NKAPD1: variants seen among roughly 807,000 people sequenced by gnomAD.
NKAPD1 encodes uncharacterized protein NKAPD1.
A neutral mutation model predicts 30.9 loss-of-function variants in NKAPD1; 12 were observed. That is an observed-to-expected ratio of 0.39 (90% CI 0.25 to 0.63). The LOEUF (loss-of-function observed/expected upper bound fraction) is 0.63, where lower values mean the gene tolerates loss of function less well. Ranked by LOEUF, NKAPD1 falls within the 20% of genes least tolerant of loss-of-function variation. The probability of loss-of-function intolerance (pLI) is 0.51; values close to 1 mark genes in which losing one functional copy is unlikely to be tolerated. For missense variants in NKAPD1, 311 were observed against 344.5 expected (o/e 0.90, Z 0.77); for synonymous variants, 91 against 113.6 (o/e 0.80, Z 1.26).
chr11:112,078,203 TA>T lies in NKAPD1; in HGVS notation c.70-7del. 1 of 1,564,854 alleles carries T rather than the reference TA, an allele frequency of 6.4e-7. No homozygotes were observed. The highest frequency in any genetic ancestry group is 8.7e-7 in the Non-Finnish European group (1 of 1,153,872). The stretch of plus-strand genomic sequence containing the variant: ...TAGTAACTTATTTTTATTTCCTTTT[TA>T]AAAATTCTAGATTCAGGAGGAATCA... On this transcript the variant is annotated splice_polypyrimidine_tract_variant and intron_variant, in intron 2 of 5. Coordinates refer to ENST00000393047, the MANE Select transcript of NKAPD1 (RefSeq NM_018195.4).
At chr11:112,077,949 G>T (rs1281801453) in intron 2 of NKAPD1, among the ~76,000 whole-genome samples, 1 of 151,618 alleles carries the variant, frequency 6.6e-6, no homozygotes, top group African/African-American at 2.4e-5. Flanking sequence ...GGGTTCAAGC[G>T]ATTCTCCTGC....
chr11:112,082,624 A>T lies in NKAPD1; in HGVS notation c.534A>T (p.Thr178=). The T allele has an allele frequency of 6.2e-7, 1 of 1,613,542 alleles. No individual in the cohort carries two copies. The highest frequency in any genetic ancestry group is 2.2e-5 in the East Asian group (1 of 44,884). The part of the protein sequence containing the change: ...KKQKKSKKEA[T]DITADSSSEF... The stretch of plus-strand genomic sequence containing the variant: ...AGAAGAAAAGCAAAAAGGAAGCCAC[A>T]GATATAACAGCAGATTCCTCGAGTG... The change falls in exon 6 of 6, where the codon ACA becomes ACT. Residue 178 remains threonine (T), a synonymous_variant. Coordinates refer to ENST00000393047, the MANE Select transcript of NKAPD1 (RefSeq NM_018195.4).
In NKAPD1 at chr11:112,074,518, G is replaced by C. The variant is rs1865265665; in HGVS notation, c.-407G>C. ...CTCAACCCCCGCTTCAGGCTCCCTA[G>C]ATACTTTCTGGGGCCCAACCGAAGG... On this transcript the variant is annotated 5_prime_UTR_variant, in exon 1 of 6. The change abolishes the stop of an existing upstream ORF in the 5' untranslated region. Transcript: ENST00000393047. 5.0e-6 allele frequency: 2 copies of C among 398,980 alleles called. No individual in the cohort carries two copies. Among genetic ancestry groups the C allele is most frequent in the South Asian group, 2.5e-4 (2 of 7,862 alleles). 24.7% of individuals were successfully genotyped at this position (398,980 alleles called of 1,614,324 possible).
intron 1 of NKAPD1, 89 bp downstream of exon 1, chr11:112,075,005 C>T (rs576569027): frequency 6.5e-6 from 1 of 154,790 alleles, no homozygotes; most frequent in East Asian, 1.9e-4. Context: ...GCTTCCGTAG[C>T]AAGTAGGAAA....
intron 5 of NKAPD1, 197 bp downstream of exon 5, chr11:112,082,232 T>C: frequency 1.4e-6 from 1 of 699,688 alleles, no homozygotes; most frequent in Non-Finnish European, 2.3e-6. Context: ...ATTTTGGTTT[T>C]TATATATAGT....
chr11:112,080,291 C>CTTTT, intron 3 of NKAPD1, 118 bp from the exon 4 acceptor site: 1 of 458,970 alleles, frequency 2.2e-6, no homozygotes, highest in African/African-American at 2.3e-5. Context: ...TTTTTTTAAA[C>CTTTT]AGTATCATGT....
chr11:112,077,192 G>A lies in NKAPD1; in HGVS notation c.70-1023G>A, dbSNP rs555255273. On this transcript the variant is annotated intron_variant, in intron 2 of 5. Transcript: ENST00000393047. ...TAAAATTATGGGCGAGGGTAAAACT[G>A]TTACCCGAGCTGCCTATGCAATTAT... Among the ~76,000 whole-genome samples the A allele has an allele frequency of 2.6e-5, 4 of 152,298 alleles. 1 individual carries two copies. The South Asian group carries it at 8.3e-4, about 32-fold the overall frequency.
chr11:112,076,790 A>C (rs918274136), intron 2 of NKAPD1, among the ~76,000 whole-genome samples: 7 of 152,218 alleles, frequency 4.6e-5, no homozygotes, highest in African/African-American at 1.4e-4. Flanking sequence ...CTGTTGTTCA[A>C]GGTCAACTGT....
chr11:112,082,201 A>G (rs1865468032), intron 5 of NKAPD1, 166 bp downstream of exon 5: 1 of 710,140 alleles, frequency 1.4e-6, no homozygotes, highest in Non-Finnish European at 2.3e-6. Flanking sequence ...TCTCTGGTTG[A>G]TGTTTGGCAT....
intron 2 of NKAPD1, among the ~76,000 whole-genome samples, chr11:112,077,135 A>T (rs913858943): frequency 3.9e-5 from 6 of 152,238 alleles, no homozygotes; most frequent in South Asian, 2.1e-4. Context: ...TTTTGGTTTG[A>T]TCATATTATT....
Position 112,084,489 on chromosome 11 carries a change from G to A in NKAPD1, c.*1517G>A, listed in dbSNP as rs1005272147. The A allele has an allele frequency of 8.5e-5, 13 of 152,554 alleles. No homozygotes were observed. Among genetic ancestry groups the A allele is most frequent in the African/African-American group, 3.1e-4 (13 of 41,442 alleles). 9.5% of individuals were successfully genotyped at this position (152,554 alleles called of 1,614,324 possible). A position where few individuals can be genotyped will look rare whatever the true frequency, so the allele number is the denominator to read the frequency against. On this transcript the variant is annotated 3_prime_UTR_variant, in exon 6 of 6. Coordinates refer to ENST00000393047, the MANE Select transcript of NKAPD1 (RefSeq NM_018195.4). The stretch of plus-strand genomic sequence containing the variant: ...CTCAATTGTCAGTGTTCCATGGTGT[G>A]TATTTTTATTTTTGGGATTAGTGGG...
intron 1 of NKAPD1, 84 bp from the exon 2 acceptor site, chr11:112,075,483 T>C: frequency 1.0e-6 from 1 of 993,522 alleles, no homozygotes; most frequent in Non-Finnish European, 1.5e-6. Flanking sequence ...TTCCTGTACC[T>C]CATATGCTTC....
At chr11:112,075,312 C>T (rs1000856537) in intron 1 of NKAPD1, among the ~76,000 whole-genome samples, 2 of 152,174 alleles carry the variant, frequency 1.3e-5, no homozygotes, top group African/African-American at 2.4e-5. Context: ...TAAAATGGTG[C>T]TCATGAAAGC....
chr11:112,080,123 T>G (rs546880077), intron 3 of NKAPD1, among the ~76,000 whole-genome samples: 17 of 151,934 alleles, frequency 1.1e-4, no homozygotes, highest in Admixed American at 9.8e-4. Context: ...CCTGGTCAGA[T>G]TTTTTTCCAC....
In NKAPD1 at chr11:112,082,747, T is replaced by C. The variant is rs1364087936; in HGVS notation, c.657T>C (p.Ala219=). The C allele has an allele frequency of 6.2e-7, 1 of 1,613,878 alleles. No homozygotes were observed. The highest frequency in any genetic ancestry group is 1.3e-5 in the African/African-American group (1 of 74,878). The change falls in exon 6 of 6, where the codon GCT becomes GCC. Residue 219 remains alanine, a synonymous_variant. Transcript: ENST00000393047. ...KSRKKSLKKP[A]LFLEAESNTS... is the part of the protein sequence containing the mutation. ...GGAAAAAGTCTCTCAAAAAACCTGCTTTATTCTTAGAGGCAGAAAGTAACA... is the reference window on the plus strand; with the variant it reads ...GGAAAAAGTCTCTCAAAAAACCTGCCTTATTCTTAGAGGCAGAAAGTAACA...
intron 3 of NKAPD1, among the ~76,000 whole-genome samples, chr11:112,079,917 A>G (rs573236516): frequency 2.0e-5 from 3 of 151,892 alleles, no homozygotes; most frequent in African/African-American, 4.8e-5. Flanking sequence ...GGTTCAGGCA[A>G]TTTTCCTGCC....
At chr11:112,080,706 A>T in intron 4 of NKAPD1, 148 bp downstream of exon 4, 1 of 789,794 alleles carries the variant, frequency 1.3e-6, no homozygotes, top group Non-Finnish European at 2.0e-6. Flanking sequence ...AGTAATCCAA[A>T]TGTCTGTCAA....
At chr11:112,082,322 A>G (rs1193423934) in intron 5 of NKAPD1, 143 bp from the exon 6 acceptor site, 8 of 788,636 alleles carry the variant, frequency 1.0e-5, no homozygotes, top group Non-Finnish European at 1.5e-5. Flanking sequence ...CTCAATGAGA[A>G]TATTAAAGTG....
Position 112,078,301 on chromosome 11 carries a change from A to G in NKAPD1, c.156A>G (p.Leu52=). Residue 52 remains leucine, a synonymous_variant, in exon 3 of 6, where the codon CTA becomes CTG. Coordinates refer to ENST00000393047, the MANE Select transcript of NKAPD1 (RefSeq NM_018195.4). ...ACCGGGGGACCAAAAGGAAAATGCTACCCAGCAGTTCAAGGTGAAGTTGCA... is the reference window on the plus strand; with the variant it reads ...ACCGGGGGACCAAAAGGAAAATGCTGCCCAGCAGTTCAAGGTGAAGTTGCA... ...DAYRGTKRKM[L]PSSSSRMRSD... The G allele has an allele frequency of 1.2e-6, 2 of 1,611,308 alleles. No homozygotes were observed. The highest frequency in any genetic ancestry group is 2.2e-5 in the South Asian group (2 of 90,586).
Sources: allele counts gnomAD v4.1 joint callset (sites outside exome capture counted in the v4.1 genomes callset), GRCh38; gene constraint gnomAD v4.1.1; transcripts MANE v1.5; gene names NCBI Gene and HGNC (gene_info 2026-07-23, HGNC 2026-07-21).